Variants in FLVCR2 observed in about 807,000 individuals in gnomAD.
FLVCR2 encodes the protein FLVCR choline and putative heme transporter 2, also known as choline/ethanolamine transporter FLVCR2.
FLVCR2 carries 38 observed loss-of-function variants against 48.9 expected under a neutral mutation model. The ratio of observed to expected loss-of-function variants is 0.78; its 90% CI spans 0.60 to 1.02. The LOEUF (loss-of-function observed/expected upper bound fraction) is 1.02, where lower values mean the gene tolerates loss of function less well. Among genes scored for constraint, FLVCR2 ranks in the 50% least tolerant of loss-of-function variants. FLVCR2 has a pLI of 0.00. For missense variants in FLVCR2, 664 were observed against 663.3 expected (o/e 1.00, Z -0.01); for synonymous variants, 255 against 257.0 (o/e 0.99, Z 0.07).
rs749330335 is a variant in FLVCR2, at chr14:75,624,649, C to G, written c.849C>G (p.Ala283=). ...AACCTAAATATCCCCCCAGCAGGGC[C>G]CAATCCCTGAGCTATGCCTTGACCT... The part of the protein sequence containing the change: ...KEKPKYPPSR[A]QSLSYALTSP... Residue 283 remains alanine (A), a synonymous_variant, in exon 3 of 10, where the codon GCC becomes GCG. Coordinates refer to ENST00000238667, the MANE Select transcript of FLVCR2 (RefSeq NM_017791.3). 8.1e-6 allele frequency: 13 copies of G among 1,614,066 alleles called. No individual in the cohort carries two copies. Among genetic ancestry groups the G allele is most frequent in the Non-Finnish European group, 1.0e-5 (12 of 1,180,002 alleles).
intron 1 of FLVCR2, among the ~76,000 whole-genome samples, chr14:75,598,250 A>C (rs1441763985): frequency 6.6e-6 from 1 of 152,114 alleles, no homozygotes; most frequent in Non-Finnish European, 1.5e-5. Flanking sequence ...GCTGAGGCTC[A>C]TGATTTTGAT....
chr14:75,588,401 G>T, intron 1 of FLVCR2, among the ~76,000 whole-genome samples: 1 of 152,182 alleles, frequency 6.6e-6, no homozygotes, highest in Admixed American at 6.5e-5. Context: ...GAGCCCTCAT[G>T]ACTTAATCAC....
chr14:75,621,405 TA>T (rs1245540754), intron 1 of FLVCR2, among the ~76,000 whole-genome samples: 442 of 140,412 alleles, frequency 3.1e-3, no homozygotes, highest in Middle Eastern at 3.6e-3. Context: ...AGACTCCATT[TA>T]AAAAAAAAAA....
intron 1 of FLVCR2, chr14:75,605,790 C>A (rs1889276875): frequency 6.2e-6 from 4 of 648,860 alleles, no homozygotes; most frequent in South Asian, 1.8e-5. Context: ...ATTGCACAGC[C>A]CTGCCAGCTC....
chr14:75,637,603 C>A (rs905481077), intron 5 of FLVCR2, among the ~76,000 whole-genome samples: 1 of 151,972 alleles, frequency 6.6e-6, no homozygotes, highest in Middle Eastern at 3.4e-3. Context: ...TGGTGGCGGG[C>A]CCCTGTAGTC....
intron 1 of FLVCR2, among the ~76,000 whole-genome samples, chr14:75,620,568 ATT>A (rs1181061838): frequency 6.6e-6 from 1 of 152,200 alleles, no homozygotes; most frequent in Non-Finnish European, 1.5e-5. Context: ...TATCTGTTGT[ATT>A]TTTGTTTTAA....
chr14:75,579,292 C>G lies in FLVCR2; in HGVS notation c.320C>G (p.Ser107Cys), dbSNP rs1330441928. Reference sequence around the variant, plus strand: ...TCCTTTCAGTGGATCCAGTACGGCTCCATCAATAACATCTTCATGCACTTC... The same window carrying G: ...TCCTTTCAGTGGATCCAGTACGGCTGCATCAATAACATCTTCATGCACTTC... The part of the protein sequence containing the change: ...CNSFQWIQYG[S>C]INNIFMHFYG... Residue 107 changes from serine (S) to cysteine (C), a missense_variant, in exon 1 of 10, where the codon TCC becomes TGC. Ser to Cys is a moderately radical substitution (Grantham distance 112, BLOSUM62 -1). Coordinates refer to ENST00000238667, the MANE Select transcript of FLVCR2 (RefSeq NM_017791.3). 6.2e-6 allele frequency: 10 copies of G among 1,614,114 alleles called. No homozygotes were observed. The highest frequency in any genetic ancestry group is 8.5e-6 in the Non-Finnish European group (10 of 1,180,052).
intron 1 of FLVCR2, chr14:75,605,457 C>A: frequency 6.7e-7 from 1 of 1,496,626 alleles, no homozygotes; most frequent in South Asian, 1.3e-5. Context: ...GTGGCCCAGC[C>A]AGACACTTCT....
intron 6 of FLVCR2, among the ~76,000 whole-genome samples, chr14:75,639,981 G>A (rs1342544825): frequency 6.6e-6 from 1 of 152,102 alleles, no homozygotes; most frequent in Non-Finnish European, 1.5e-5. Context: ...TAAAGTTGCC[G>A]GGTGCGGTGG....
At chr14:75,632,308 T>C (rs1890063779) in intron 3 of FLVCR2, among the ~76,000 whole-genome samples, 1 of 152,150 alleles carries the variant, frequency 6.6e-6, no homozygotes, top group African/African-American at 2.4e-5. Context: ...ATAAAGGGAG[T>C]ACGTCAACTA....
intron 2 of FLVCR2, 106 bp from the exon 3 acceptor site, chr14:75,624,506 G>A (rs926526812): frequency 7.7e-7 from 1 of 1,291,010 alleles, no homozygotes; most frequent in Non-Finnish European, 1.1e-6. Context: ...TCCTTTGGGA[G>A]TCTTAGCTCC....
At chr14:75,617,597 C>G (rs772412952) in intron 1 of FLVCR2, among the ~76,000 whole-genome samples, 2 of 152,168 alleles carry the variant, frequency 1.3e-5, no homozygotes, top group African/African-American at 2.4e-5. Context: ...AGTTAGCCTT[C>G]CTGCATCTCA....
intron 1 of FLVCR2, among the ~76,000 whole-genome samples, chr14:75,611,757 CA>C (rs530229324): frequency 2.6e-5 from 4 of 152,032 alleles, no homozygotes; most frequent in South Asian, 4.2e-4. Context: ...AACAAACAAA[CA>C]AAAAAACCCA....
At chr14:75,600,896 C>T (rs1294997423) in intron 1 of FLVCR2, among the ~76,000 whole-genome samples, 1 of 149,002 alleles carries the variant, frequency 6.7e-6, no homozygotes, top group Non-Finnish European at 1.5e-5. Context: ...AACAAACAAA[C>T]AATCCAATTT....
intron 1 of FLVCR2, among the ~76,000 whole-genome samples, chr14:75,592,260 C>T (rs1374417679): frequency 6.6e-6 from 1 of 152,070 alleles, no homozygotes; most frequent in African/African-American, 2.4e-5. Context: ...ACAGCTTGCA[C>T]TCTCCAGAGC....
At chr14:75,636,988 G>A (rs907998092) in intron 5 of FLVCR2, among the ~76,000 whole-genome samples, 2 of 152,218 alleles carry the variant, frequency 1.3e-5, no homozygotes, top group African/African-American at 4.8e-5. Flanking sequence ...AGGGAGGAGC[G>A]TGAAGGGAGG....
chr14:75,621,596 G>A (rs549752703), intron 1 of FLVCR2, among the ~76,000 whole-genome samples: 25 of 152,264 alleles, frequency 1.6e-4, no homozygotes, highest in Non-Finnish European at 2.4e-4. Flanking sequence ...TTCCATGCTT[G>A]TAAATGTGGT....
intron 1 of FLVCR2, among the ~76,000 whole-genome samples, chr14:75,591,867 G>T (rs1231965148): frequency 7.0e-6 from 1 of 143,300 alleles, no homozygotes; most frequent in Non-Finnish European, 1.5e-5. Flanking sequence ...AGGCTGGAGT[G>T]CAGTGGTGTG....
rs1396781510 is a variant in FLVCR2 at position 75,579,544 on chromosome 14, A to G, written c.572A>G (p.Gln191Arg). 2 of 1,613,854 alleles carry G rather than the reference A, an allele frequency of 1.2e-6. No individual in the cohort carries two copies. The highest frequency in any genetic ancestry group is 2.2e-5 in the East Asian group (1 of 44,870). ...VVGQLICSVA[Q>R]VFILGMPSRI... ...GGCCAGCTCATCTGCTCTGTGGCCC[A>G]GGTTTTCATCCTGGGCATGCCCTCC... The change falls in exon 1 of 10, where the codon CAG becomes CGG. Residue 191 changes from glutamine (Q) to arginine (R), a missense_variant. Coordinates refer to ENST00000238667, the MANE Select transcript of FLVCR2 (RefSeq NM_017791.3).
Sources: gnomAD v4.1 joint callset for allele counts (sites outside exome capture counted in the v4.1 genomes callset) on GRCh38, gnomAD v4.1.1 for gene constraint, MANE v1.5 for transcripts, NCBI Gene and HGNC (gene_info 2026-07-23, HGNC 2026-07-21) for gene names.